The following GAS7 variants were observed in gnomAD, a reference collection of about 807,000 sequenced individuals.
The protein encoded by GAS7 is growth arrest-specific protein 7.
GAS7 carries 28 observed loss-of-function variants against 71.1 expected under a neutral mutation model. That is an observed-to-expected ratio of 0.39 (90% CI 0.29 to 0.54). The LOEUF (loss-of-function observed/expected upper bound fraction) is 0.54, where lower values mean the gene tolerates loss of function less well. Among genes scored for constraint, GAS7 ranks in the 20% least tolerant of loss-of-function variants. The pLI, the probability that GAS7 is intolerant of heterozygous loss-of-function variation, is 0.62. For missense variants in GAS7, 436 were observed against 627.8 expected, an observed-to-expected ratio of 0.69 and a Z score of 3.27; for synonymous variants, 258 against 245.8, an observed-to-expected ratio of 1.05 and a Z score of -0.46.
intron 1 of GAS7, among the ~76,000 whole-genome samples, chr17:10,112,647 G>A (rs977078943): frequency 1.3e-5 from 2 of 152,048 alleles, no homozygotes; most frequent in Admixed American, 6.5e-5. Context: ...AATTCAGCAG[G>A]AGAATTGCTT....
chr17:10,012,596 A>G (rs1174922763), intron 2 of GAS7, among the ~76,000 whole-genome samples: 1 of 152,166 alleles, frequency 6.6e-6, no homozygotes, highest in African/African-American at 2.4e-5. Context: ...CGACCTTTCA[A>G]TCATAAATGG....
intron 1 of GAS7, among the ~76,000 whole-genome samples, chr17:10,195,923 G>A (rs2074537125): frequency 6.6e-6 from 1 of 152,128 alleles, no homozygotes; most frequent in African/African-American, 2.4e-5. Flanking sequence ...GCCCTGAGAA[G>A]AGTCCCACCC....
At chr17:10,121,372 C>G (rs1392982659) in intron 1 of GAS7, among the ~76,000 whole-genome samples, 1 of 152,164 alleles carries the variant, frequency 6.6e-6, no homozygotes, top group African/African-American at 2.4e-5. Context: ...CAGAGCAAGA[C>G]TCTGCCTCAA....
At chr17:9,989,303 C>T (rs1420388035) in intron 2 of GAS7, among the ~76,000 whole-genome samples, 1 of 151,984 alleles carries the variant, frequency 6.6e-6, no homozygotes, top group East Asian at 1.9e-4. Context: ...TATAAACAAC[C>T]CTTTATTTGA....
At chr17:10,139,222 T>C (rs1202397922) in intron 1 of GAS7, among the ~76,000 whole-genome samples, 1 of 152,214 alleles carries the variant, frequency 6.6e-6, no homozygotes, top group African/African-American at 2.4e-5. Flanking sequence ...TCTGGAACCA[T>C]GTATCATCTA....
chr17:10,005,144 C>CACATACAT (rs1567879805), intron 2 of GAS7, among the ~76,000 whole-genome samples: 207 of 38,252 alleles, frequency 5.4e-3, no homozygotes, highest in African/African-American at 0.015. Flanking sequence ...TGTGCGCGCA[C>CACATACAT]GCATGCATGC....
intron 1 of GAS7, among the ~76,000 whole-genome samples, chr17:10,172,087 T>C (rs2074339282): frequency 6.6e-6 from 1 of 152,218 alleles, no homozygotes; most frequent in South Asian, 2.1e-4. Context: ...CATCTGCTGC[T>C]TTCCCCTAAG....
At chr17:9,940,098 C>T in intron 8 of GAS7, 28 bp downstream of exon 8, 1 of 1,249,780 alleles carries the variant, frequency 8.0e-7, no homozygotes, top group Non-Finnish European at 1.2e-6. Context: ...CCATCCTCCC[C>T]ACTCCCACCT....
intron 1 of GAS7, among the ~76,000 whole-genome samples, chr17:10,174,153 T>C (rs1438575341): frequency 6.6e-6 from 1 of 152,054 alleles, no homozygotes; most frequent in Non-Finnish European, 1.5e-5. Context: ...CTCTGGAGGG[T>C]GACAACGTTC....
At chr17:10,024,728 T>TA (rs549380345) in intron 1 of GAS7, among the ~76,000 whole-genome samples, 9 of 152,118 alleles carry the variant, frequency 5.9e-5, no homozygotes, top group Non-Finnish European at 8.8e-5. Context: ...CAATGATATA[T>TA]ATGGAAAGAG....
At chr17:10,012,363 T>C (rs1184851927) in intron 2 of GAS7, among the ~76,000 whole-genome samples, 2 of 152,156 alleles carry the variant, frequency 1.3e-5, no homozygotes, top group African/African-American at 4.8e-5. Flanking sequence ...TTTCGGTTCA[T>C]TGCAACCTCT....
At chr17:10,056,625 A>C (rs1241985705) in intron 1 of GAS7, among the ~76,000 whole-genome samples, 1 of 152,192 alleles carries the variant, frequency 6.6e-6, no homozygotes, top group Non-Finnish European at 1.5e-5. Context: ...TAATCCCAGC[A>C]CTTTGGGAGG....
chr17:10,122,642 C>A (rs2073914086), intron 1 of GAS7, among the ~76,000 whole-genome samples: 1 of 152,114 alleles, frequency 6.6e-6, no homozygotes, highest in Non-Finnish European at 1.5e-5. Flanking sequence ...AATCACAACT[C>A]CTCCATATGG....
intron 1 of GAS7, among the ~76,000 whole-genome samples, chr17:10,079,764 G>A (rs1056754554): frequency 1.3e-5 from 2 of 152,146 alleles, no homozygotes; most frequent in Non-Finnish European, 2.9e-5. Context: ...ACTGTGACAC[G>A]GTCATGGTCA....
intron 1 of GAS7, among the ~76,000 whole-genome samples, chr17:10,162,925 T>C (rs1238202649): frequency 6.6e-6 from 1 of 152,158 alleles, no homozygotes; most frequent in African/African-American, 2.4e-5. Flanking sequence ...TAAATCATGG[T>C]GAAGGCTGTA....
intron 3 of GAS7, among the ~76,000 whole-genome samples, chr17:9,975,324 C>T (rs1428526765): frequency 6.7e-6 from 1 of 149,652 alleles, no homozygotes; most frequent in Non-Finnish European, 1.5e-5. Flanking sequence ...CATTGCACTC[C>T]AGCCTGGGCA....
chr17:10,056,453 C>G (rs1476209154), intron 1 of GAS7, among the ~76,000 whole-genome samples: 1 of 152,046 alleles, frequency 6.6e-6, no homozygotes, highest in Non-Finnish European at 1.5e-5. Context: ...TATGAGCATG[C>G]CACTGCACTT....
chr17:9,952,875 G>A (rs2069076881), intron 5 of GAS7, among the ~76,000 whole-genome samples: 1 of 152,084 alleles, frequency 6.6e-6, no homozygotes, highest in Non-Finnish European at 1.5e-5. Context: ...CAGAGAAAAG[G>A]GAACACTTAT....
chr17:9,934,097 C>T, intron 9 of GAS7, 69 bp downstream of exon 9: 1 of 1,010,950 alleles, frequency 9.9e-7, no homozygotes, highest in Non-Finnish European at 1.6e-6. Flanking sequence ...ACTGGAGAGA[C>T]AGTTGTTAAC....
Sources: allele counts gnomAD v4.1 joint callset (sites outside exome capture counted in the v4.1 genomes callset), GRCh38; gene constraint gnomAD v4.1.1; transcripts MANE v1.5; gene names NCBI Gene and HGNC (gene_info 2026-07-23, HGNC 2026-07-21).